PACS1: variants seen among roughly 807,000 people sequenced by gnomAD.
PACS1 encodes the protein PACS-1.
A neutral mutation model predicts 115.0 loss-of-function variants in PACS1; 24 were observed. That is an observed-to-expected ratio of 0.21 (90% CI 0.15 to 0.29). The LOEUF (loss-of-function observed/expected upper bound fraction) is 0.29. PACS1 is among the 10% of genes least tolerant of loss of function. The pLI, the probability that PACS1 is intolerant of heterozygous loss-of-function variation, is 1.00. For synonymous variants in PACS1, 453 were observed against 504.5 expected, an observed-to-expected ratio of 0.90 and a Z score of 1.37; for missense variants, 838 against 1,251.2, an observed-to-expected ratio of 0.67 and a Z score of 4.98.
At chr11:66,221,642 C>CAAAA (rs34313657) in intron 10 of PACS1, 10 of 101,660 alleles carry the variant, frequency 9.8e-5, no homozygotes, top group African/African-American at 2.5e-4. Flanking sequence ...GAGATTCCCT[C>CAAAA]AAAAAAAAAA....
intron 1 of PACS1, among the ~76,000 whole-genome samples, chr11:66,071,828 G>A (rs980346811): frequency 6.6e-5 from 10 of 152,108 alleles, no homozygotes; most frequent in African/African-American, 2.4e-4. Flanking sequence ...GAGGATTGCT[G>A]GGCTCCCCCC....
intron 1 of PACS1, among the ~76,000 whole-genome samples, chr11:66,105,180 T>C (rs1171321777): frequency 6.6e-6 from 1 of 152,108 alleles, no homozygotes; most frequent in Non-Finnish European, 1.5e-5. Context: ...TCCCAACACT[T>C]TGGGAGGCCG....
intron 21 of PACS1, among the ~76,000 whole-genome samples, chr11:66,240,114 T>C (rs1855781326): frequency 6.6e-6 from 1 of 152,204 alleles, no homozygotes; most frequent in Non-Finnish European, 1.5e-5. Flanking sequence ...AAAAAGAACA[T>C]GCGTGTCAGT....
At chr11:66,226,534 A>C (rs761515724) in intron 10 of PACS1, among the ~76,000 whole-genome samples, 42 of 152,310 alleles carry the variant, frequency 2.8e-4, no homozygotes, top group Middle Eastern at 3.4e-3. Flanking sequence ...AATAAGAATG[A>C]GCCAGCCCCA....
chr11:66,080,430 A>G (rs1362902614), intron 1 of PACS1, among the ~76,000 whole-genome samples: 1 of 152,136 alleles, frequency 6.6e-6, no homozygotes, highest in Non-Finnish European at 1.5e-5. Context: ...GTGGGGGGAA[A>G]GGCTGTCTTG....
intron 4 of PACS1, among the ~76,000 whole-genome samples, chr11:66,214,217 A>G (rs1855144951): frequency 6.6e-6 from 1 of 152,078 alleles, no homozygotes. Context: ...TGTGGCCATG[A>G]TAGAAAATTT....
At chr11:66,114,307 A>G (rs1858256449) in intron 1 of PACS1, among the ~76,000 whole-genome samples, 2 of 151,688 alleles carry the variant, frequency 1.3e-5, no homozygotes, top group South Asian at 4.2e-4. Context: ...AGTCACAGCT[A>G]CTCGGGAGGC....
chr11:66,111,986 G>A (rs999079584), intron 1 of PACS1, among the ~76,000 whole-genome samples: 1 of 152,098 alleles, frequency 6.6e-6, no homozygotes, highest in Non-Finnish European at 1.5e-5. Flanking sequence ...TAGTCCCTCA[G>A]CAGGAGCTAT....
chr11:66,182,582 C>T (rs1860034997), intron 1 of PACS1, among the ~76,000 whole-genome samples: 1 of 152,076 alleles, frequency 6.6e-6, no homozygotes, highest in African/African-American at 2.4e-5. Flanking sequence ...CTCACCTTAG[C>T]CTCCTGAGTA....
intron 1 of PACS1, among the ~76,000 whole-genome samples, chr11:66,175,967 G>C (rs145969713): frequency 1.8e-3 from 269 of 152,306 alleles, no homozygotes; most frequent in African/African-American, 6.3e-3. Context: ...CACCTGGACA[G>C]TTACAGTAAC....
intron 1 of PACS1, among the ~76,000 whole-genome samples, chr11:66,190,354 A>G (rs1854487841): frequency 6.6e-6 from 1 of 152,136 alleles, no homozygotes; most frequent in South Asian, 2.1e-4. Context: ...TTGAGCCATC[A>G]TTTTTTGCCT....
intron 1 of PACS1, among the ~76,000 whole-genome samples, chr11:66,078,849 CAGGCTA>C (rs1356249840): frequency 6.6e-6 from 1 of 152,268 alleles, no homozygotes; most frequent in African/African-American, 2.4e-5. Flanking sequence ...CCACCGCACC[CAGGCTA>C]GGCTGGTTAT....
chr11:66,201,661 T>G (rs1854799845), intron 2 of PACS1, among the ~76,000 whole-genome samples: 2 of 149,196 alleles, frequency 1.3e-5, no homozygotes, highest in East Asian at 2.0e-4. Flanking sequence ...TTTGGGTTTT[T>G]GTTTTTTTTT....
At chr11:66,230,392 C>T (rs539820031) in intron 11 of PACS1, 156 bp from the exon 12 acceptor site, 28 of 620,036 alleles carry the variant, frequency 4.5e-5, no homozygotes, top group Middle Eastern at 4.3e-4. Flanking sequence ...GATTTTCCTT[C>T]GGCTGAGGCA....
intron 2 of PACS1, among the ~76,000 whole-genome samples, chr11:66,201,819 C>T (rs991480344): frequency 4.6e-5 from 7 of 151,864 alleles, no homozygotes; most frequent in South Asian, 2.1e-4. Context: ...ACCACCATCG[C>T]GGCTAATTTT....
intron 10 of PACS1, among the ~76,000 whole-genome samples, chr11:66,222,052 G>A (rs1285696754): frequency 6.6e-6 from 1 of 152,246 alleles, no homozygotes; most frequent in Non-Finnish European, 1.5e-5. Context: ...GGAGGCAGAA[G>A]CTGCAGTGAG....
At chr11:66,092,208 G>A (rs1857679878) in intron 1 of PACS1, among the ~76,000 whole-genome samples, 1 of 152,042 alleles carries the variant, frequency 6.6e-6, no homozygotes, top group Non-Finnish European at 1.5e-5. Flanking sequence ...TTTAATGATT[G>A]CCATTCTAAC....
intron 2 of PACS1, among the ~76,000 whole-genome samples, chr11:66,193,800 A>C (rs1854586321): frequency 6.6e-6 from 1 of 152,186 alleles, no homozygotes; most frequent in South Asian, 2.1e-4. Flanking sequence ...GAAGAACAGA[A>C]ATGGTTTTTC....
chr11:66,190,312 A>C (rs1382262029), intron 1 of PACS1, among the ~76,000 whole-genome samples: 1 of 152,168 alleles, frequency 6.6e-6, no homozygotes, highest in Non-Finnish European at 1.5e-5. Context: ...AGTCTTTTCC[A>C]TTGGCTCATC....
Sources: gnomAD v4.1 joint callset for allele counts (sites outside exome capture counted in the v4.1 genomes callset) on GRCh38, gnomAD v4.1.1 for gene constraint, MANE v1.5 for transcripts, NCBI Gene and HGNC (gene_info 2026-07-23, HGNC 2026-07-21) for gene names.